XRCC4: variants seen among roughly 807,000 people sequenced by gnomAD.
XRCC4 encodes the protein DNA repair protein XRCC4.
Under a neutral mutation model 39.1 loss-of-function variants are expected in XRCC4, and 28 were observed. That is an observed-to-expected ratio of 0.72 (90% confidence interval 0.53 to 0.98). XRCC4 has a LOEUF of 0.98. Among genes scored for constraint, XRCC4 ranks in the 50% least tolerant of loss-of-function variants. The probability of loss-of-function intolerance (pLI) is 0.00; values close to 1 mark genes in which losing one functional copy is unlikely to be tolerated. For synonymous variants in XRCC4, 123 were observed against 126.4 expected (o/e 0.97, Z 0.18); for missense variants, 350 against 376.4 (o/e 0.93, Z 0.58).
At chr5:83,079,040 T>C (rs1415933976) in intron 1 of XRCC4, among the ~76,000 whole-genome samples, 1 of 152,254 alleles carries the variant, frequency 6.6e-6, no homozygotes. Context: ...GAAGATTGTC[T>C]TGATCTTTGT....
At chr5:83,092,660 G>A (rs1368579825) in intron 1 of XRCC4, among the ~76,000 whole-genome samples, 2 of 152,036 alleles carry the variant, frequency 1.3e-5, no homozygotes, top group Non-Finnish European at 2.9e-5. Context: ...GCTGGGTAAA[G>A]GTGTTGAGTT....
chr5:83,169,675 TG>T (rs1749636597), intron 3 of XRCC4, among the ~76,000 whole-genome samples: 1 of 152,214 alleles, frequency 6.6e-6, no homozygotes, highest in Admixed American at 6.5e-5. Context: ...ATGTTCATAG[TG>T]GGTCTTACTT....
At chr5:83,239,385 AAG>A (rs899361471) in intron 6 of XRCC4, among the ~76,000 whole-genome samples, 13 of 152,372 alleles carry the variant, frequency 8.5e-5, no homozygotes, top group African/African-American at 2.9e-4. Flanking sequence ...AGTGAAGAAA[AAG>A]AGGAAGAAAT....
intron 6 of XRCC4, among the ~76,000 whole-genome samples, chr5:83,229,006 A>C (rs551168895): frequency 6.6e-6 from 1 of 152,206 alleles, no homozygotes; most frequent in East Asian, 1.9e-4. Flanking sequence ...CCTGTGGTGC[A>C]GAGAAACAGG....
chr5:83,226,817 G>A (rs536268511), intron 6 of XRCC4, among the ~76,000 whole-genome samples: 11 of 152,138 alleles, frequency 7.2e-5, no homozygotes, highest in South Asian at 2.1e-4. Context: ...ATGTTTATTC[G>A]GTGCATTTGA....
At chr5:83,094,550 G>T (rs1032478656) in intron 1 of XRCC4, among the ~76,000 whole-genome samples, 8 of 151,098 alleles carry the variant, frequency 5.3e-5, no homozygotes, top group South Asian at 2.1e-4. Context: ...TCATTTTTCA[G>T]TTTAGTCGTT....
intron 1 of XRCC4, among the ~76,000 whole-genome samples, chr5:83,081,470 C>T (rs1032248808): frequency 1.1e-4 from 16 of 151,958 alleles, no homozygotes; most frequent in Admixed American, 9.8e-4. Flanking sequence ...TACTTGAGGA[C>T]CAAAGTTAAT....
intron 6 of XRCC4, among the ~76,000 whole-genome samples, chr5:83,216,683 A>T (rs1751872728): frequency 6.6e-6 from 1 of 152,228 alleles, no homozygotes; most frequent in Non-Finnish European, 1.5e-5. Context: ...GCCTCAAAAA[A>T]ATTATGCTAA....
chr5:83,365,683 T>A, the XRCC4 span, among the ~76,000 whole-genome samples: 1 of 152,146 alleles, frequency 6.6e-6, no homozygotes, highest in Non-Finnish European at 1.5e-5. Context: ...ATAAAAATCA[T>A]CCCCTAGATT....
chr5:83,106,817 A>G (rs533502419), intron 2 of XRCC4, among the ~76,000 whole-genome samples: 4 of 152,130 alleles, frequency 2.6e-5, no homozygotes, highest in Admixed American at 1.3e-4. Context: ...TACATTCTCA[A>G]TGAATACTTT....
chr5:83,182,388 G>GA (rs1334041138), intron 3 of XRCC4, among the ~76,000 whole-genome samples: 1 of 151,916 alleles, frequency 6.6e-6, no homozygotes, highest in Non-Finnish European at 1.5e-5. Context: ...TCTAATTCAG[G>GA]AAAAACACTC....
At chr5:83,250,866 A>G (rs956132442) in intron 6 of XRCC4, among the ~76,000 whole-genome samples, 4 of 152,254 alleles carry the variant, frequency 2.6e-5, no homozygotes, top group Non-Finnish European at 5.9e-5. Context: ...ATGGAAAAGA[A>G]AAATCGAAGC....
At chr5:83,228,728 T>C (rs555807147) in intron 6 of XRCC4, among the ~76,000 whole-genome samples, 168 of 152,186 alleles carry the variant, frequency 1.1e-3, no homozygotes, top group Non-Finnish European at 2.0e-3. Context: ...ATTATTCCAT[T>C]ATGTTCTAAA....
In XRCC4 at chr5:83,204,686, A is replaced by G. The variant is rs1198222677; in HGVS notation, c.639-129A>G. On this transcript the variant is annotated intron_variant, in intron 5 of 7. Transcript: ENST00000396027. ...TAAGATGCTTTCATCTAAATCATAT[A>G]TATTTTCAATATGTTTGTCTAATTA... The G allele has an allele frequency of 7.0e-6, 4 of 574,896 alleles. No individual in the cohort carries two copies. The East Asian group carries it at 1.2e-4, about 17-fold the overall frequency. 35.6% of individuals were successfully genotyped at this position (574,896 alleles called of 1,614,324 possible).
At chr5:83,166,096 A>G (rs965226386) in intron 3 of XRCC4, among the ~76,000 whole-genome samples, 2 of 151,950 alleles carry the variant, frequency 1.3e-5, no homozygotes, top group African/African-American at 4.8e-5. Flanking sequence ...CATGTTGGCC[A>G]GGCTGGTCTT....
intron 3 of XRCC4, among the ~76,000 whole-genome samples, chr5:83,193,625 A>G (rs949594511): frequency 1.3e-5 from 2 of 152,144 alleles, no homozygotes; most frequent in Non-Finnish European, 2.9e-5. Context: ...GGACTTGTTT[A>G]TCTCTTCATT....
intron 1 of XRCC4, among the ~76,000 whole-genome samples, chr5:83,089,083 A>C (rs1428203624): frequency 6.6e-6 from 1 of 152,192 alleles, no homozygotes. Flanking sequence ...CCAATTTTGC[A>C]GGTAACTAAG....
chr5:83,105,914 A>G (rs930711440), intron 2 of XRCC4, among the ~76,000 whole-genome samples: 11 of 152,154 alleles, frequency 7.2e-5, no homozygotes, highest in African/African-American at 2.4e-4. Context: ...TAAAATTACA[A>G]TACATTGTAA....
At chr5:83,171,885 A>G (rs1455083674) in intron 3 of XRCC4, among the ~76,000 whole-genome samples, 1 of 152,202 alleles carries the variant, frequency 6.6e-6, no homozygotes, top group Non-Finnish European at 1.5e-5. Context: ...ATGATTTCTA[A>G]CACATACTAT....
Sources: allele counts gnomAD v4.1 joint callset (sites outside exome capture counted in the v4.1 genomes callset), GRCh38; gene constraint gnomAD v4.1.1; transcripts MANE v1.5; gene names NCBI Gene and HGNC (gene_info 2026-07-23, HGNC 2026-07-21).